The following CNTNAP5 variants were observed in gnomAD, a reference collection of about 807,000 sequenced individuals.
CNTNAP5 encodes the protein contactin-associated protein-like 5.
Under a neutral mutation model 150.2 loss-of-function variants are expected in CNTNAP5, and 72 were observed. The observed-to-expected ratio is 0.48, with a 90% CI of 0.40 to 0.58. The LOEUF (loss-of-function observed/expected upper bound fraction) is 0.58, where lower values mean the gene tolerates loss of function less well. CNTNAP5 is among the 20% of genes least tolerant of loss of function. The pLI, the probability that CNTNAP5 is intolerant of heterozygous loss-of-function variation, is 0.00. For missense variants in CNTNAP5, 1,636 were observed against 1,626.2 expected (o/e 1.01, Z -0.10); for synonymous variants, 672 against 619.8 (o/e 1.08, Z -1.25).
intron 19 of CNTNAP5, among the ~76,000 whole-genome samples, chr2:124,833,995 T>G (rs575286617): frequency 6.6e-6 from 1 of 152,300 alleles, no homozygotes; most frequent in South Asian, 2.1e-4. Flanking sequence ...CACTGCTTCT[T>G]ATGTTTGCTA....
chr2:124,895,548 C>A (rs1232020831), intron 21 of CNTNAP5, among the ~76,000 whole-genome samples: 1 of 151,508 alleles, frequency 6.6e-6, no homozygotes, highest in Admixed American at 6.6e-5. Context: ...ATTCTTGAAC[C>A]TGGGAGGATG....
At chr2:124,119,362 CT>C (rs5834039) in intron 1 of CNTNAP5, among the ~76,000 whole-genome samples, 109,618 of 139,486 alleles carry the variant, frequency 0.79, 43,560 homozygotes, top group Non-Finnish European at 0.86. Flanking sequence ...GAGCAGGAAG[CT>C]TTTTTTTTTT....
chr2:124,264,840 T>C (rs896265003), intron 3 of CNTNAP5, among the ~76,000 whole-genome samples: 3 of 152,216 alleles, frequency 2.0e-5, no homozygotes, highest in African/African-American at 7.2e-5. Context: ...TCTGCTACTA[T>C]GCGTGTCTAC....
intron 13 of CNTNAP5, among the ~76,000 whole-genome samples, chr2:124,686,105 T>C (rs1452448828): frequency 6.6e-6 from 1 of 152,128 alleles, no homozygotes; most frequent in Admixed American, 6.6e-5. Flanking sequence ...AACAGTCTCC[T>C]ACTCTTAAAT....
chr2:124,812,039 TAA>T (rs1558785488), intron 19 of CNTNAP5, among the ~76,000 whole-genome samples: 1 of 46,932 alleles, frequency 2.1e-5, no homozygotes, highest in Non-Finnish European at 4.6e-5. Context: ...ATATAATATA[TAA>T]TTTATATTTA....
At chr2:124,176,745 C>A (rs1255074029) in intron 1 of CNTNAP5, among the ~76,000 whole-genome samples, 1 of 151,706 alleles carries the variant, frequency 6.6e-6, no homozygotes, top group Admixed American at 6.6e-5. Context: ...GAGCAGCATT[C>A]CTTCTTTCTG....
intron 7 of CNTNAP5, among the ~76,000 whole-genome samples, chr2:124,493,465 C>T (rs1029967085): frequency 6.6e-6 from 1 of 151,928 alleles, no homozygotes; most frequent in Non-Finnish European, 1.5e-5. Context: ...CTCAGCCTCC[C>T]TAGTAGCTGG....
chr2:124,128,966 C>T (rs991913559), intron 1 of CNTNAP5, among the ~76,000 whole-genome samples: 14 of 151,790 alleles, frequency 9.2e-5, no homozygotes, highest in Non-Finnish European at 1.8e-4. Flanking sequence ...ATGTAAATGA[C>T]GAGTTGATGG....
intron 6 of CNTNAP5, among the ~76,000 whole-genome samples, chr2:124,466,419 A>C (rs1693380040): frequency 6.6e-6 from 1 of 152,018 alleles, no homozygotes; most frequent in Non-Finnish European, 1.5e-5. Flanking sequence ...GTCTTCCATC[A>C]GTCTGTTGGA....
intron 3 of CNTNAP5, among the ~76,000 whole-genome samples, chr2:124,295,151 AACAG>A (rs1414779647): frequency 5.1e-5 from 7 of 136,210 alleles, no homozygotes; most frequent in African/African-American, 1.6e-4. Flanking sequence ...CAAACAAACA[AACAG>A]ACAAACTAGA....
intron 1 of CNTNAP5, among the ~76,000 whole-genome samples, chr2:124,039,503 G>A (rs1166365067): frequency 1.3e-5 from 2 of 152,074 alleles, no homozygotes; most frequent in African/African-American, 4.8e-5. Context: ...TGGACCTTTG[G>A]GCTCCATCAG....
chr2:124,872,321 G>A (rs930953343), intron 21 of CNTNAP5, among the ~76,000 whole-genome samples: 1 of 151,426 alleles, frequency 6.6e-6, no homozygotes, highest in Non-Finnish European at 1.5e-5. Flanking sequence ...GAGGGTCCCA[G>A]TCTGTTACTA....
At chr2:124,036,283 A>T (rs569625343) in intron 1 of CNTNAP5, among the ~76,000 whole-genome samples, 55 of 152,218 alleles carry the variant, frequency 3.6e-4, no homozygotes, top group African/African-American at 1.3e-3. Flanking sequence ...AATGGGGAGT[A>T]AGAAGGACTT....
chr2:124,564,098 G>A (rs575597190), intron 11 of CNTNAP5, among the ~76,000 whole-genome samples: 1 of 152,198 alleles, frequency 6.6e-6, no homozygotes, highest in East Asian at 1.9e-4. Context: ...TAGAAATATG[G>A]GAGGAAACAA....
At chr2:124,263,847 A>G (rs1057447125) in intron 3 of CNTNAP5, among the ~76,000 whole-genome samples, 1 of 152,196 alleles carries the variant, frequency 6.6e-6, no homozygotes, top group Non-Finnish European at 1.5e-5. Flanking sequence ...GAAGGGATCC[A>G]GTTTCAGCCT....
chr2:124,664,586 C>T (rs549537032), intron 13 of CNTNAP5, among the ~76,000 whole-genome samples: 6 of 152,260 alleles, frequency 3.9e-5, no homozygotes, highest in Admixed American at 1.3e-4. Context: ...CTCTGGAGTA[C>T]GTCAAACCTG....
chr2:124,850,687 C>T (rs1683136399), intron 19 of CNTNAP5, among the ~76,000 whole-genome samples: 1 of 151,948 alleles, frequency 6.6e-6, no homozygotes, highest in Non-Finnish European at 1.5e-5. Context: ...AGACCGAGCC[C>T]GGGGACTTTA....
intron 5 of CNTNAP5, among the ~76,000 whole-genome samples, chr2:124,445,124 G>T (rs1233467271): frequency 6.7e-6 from 1 of 148,706 alleles, no homozygotes; most frequent in Non-Finnish European, 1.5e-5. Flanking sequence ...TGCTCTTGTG[G>T]CCTGGCCCAG....
intron 19 of CNTNAP5, among the ~76,000 whole-genome samples, chr2:124,811,857 G>A (rs1254378826): frequency 3.4e-5 from 5 of 146,674 alleles, no homozygotes; most frequent in South Asian, 2.1e-4. Context: ...CAGGAGAATC[G>A]CTTGAACCCG....
Sources: allele counts gnomAD v4.1 joint callset (sites outside exome capture counted in the v4.1 genomes callset), GRCh38; gene constraint gnomAD v4.1.1; transcripts MANE v1.5; gene names NCBI Gene and HGNC (gene_info 2026-07-23, HGNC 2026-07-21).